Variants in PUDP observed in about 807,000 individuals in gnomAD.
PUDP encodes the protein pseudouridine-5'-phosphatase.
Under a neutral mutation model 9.4 loss-of-function variants are expected in PUDP, and 8 were observed. The observed-to-expected ratio is 0.85, with a 90% CI of 0.50 to 1.53. PUDP has a LOEUF of 1.53. Among genes scored for constraint, PUDP ranks in the 40% most tolerant of loss-of-function variants. PUDP has a pLI of 0.00. For synonymous variants in PUDP, 99 were observed against 80.7 expected (o/e 1.23, Z -1.22); for missense variants, 188 against 189.7 (o/e 0.99, Z 0.05).
rs10634327 is a variant in PUDP at position 7,071,777 on chromosome X, A to ATTT, written c.510+5440_510+5442dup. Among the ~76,000 whole-genome samples the ATTT allele has an allele frequency of 1.2e-3, 119 of 96,767 alleles. 1 individual carries two copies. Among genetic ancestry groups the ATTT allele is most frequent in the Admixed American group, 1.4e-3 (12 of 8,536 alleles). 84.0% of individuals were successfully genotyped at this position (96,767 alleles called of 115,157 possible). On this transcript the variant is annotated intron_variant, in intron 3 of 3. Transcript: ENST00000381077. ...AGTCACCACCCAGAATGTACTCTCT[A>ATTT]TTTTTTTTTTTTCCTTTGAGACAGA...
intron 3 of PUDP, among the ~76,000 whole-genome samples, chrX:6,766,747 T>G (rs1306556042): frequency 8.9e-6 from 1 of 111,959 alleles, no homozygotes; most frequent in East Asian, 2.8e-4. Flanking sequence ...ATACTCACTT[T>G]TCTCCTGCCC....
At chrX:7,104,069 C>T (rs180789413) in intron 2 of PUDP, among the ~76,000 whole-genome samples, 34 of 112,287 alleles carry the variant, frequency 3.0e-4, no homozygotes, top group African/African-American at 9.7e-4. Flanking sequence ...GACTAGAAAG[C>T]AGGATCTCAA....
intron 3 of PUDP, among the ~76,000 whole-genome samples, chrX:6,962,601 A>T (rs2146788666): frequency 8.9e-6 from 1 of 112,534 alleles, no homozygotes; most frequent in Admixed American, 9.5e-5. Flanking sequence ...TTTATGCCAT[A>T]AAATTCAGTT....
chrX:6,707,681 G>C (rs1011243534), intron 1 of PUDP, among the ~76,000 whole-genome samples: 3 of 111,296 alleles, frequency 2.7e-5, no homozygotes, highest in Non-Finnish European at 5.7e-5. Flanking sequence ...GTGAGTGATG[G>C]GGAGCGGCTG....
At chrX:6,818,412 A>G (rs1479452742) in intron 3 of PUDP, among the ~76,000 whole-genome samples, 1 of 112,548 alleles carries the variant, frequency 8.9e-6, no homozygotes, top group Non-Finnish European at 1.9e-5. Flanking sequence ...CCTGTCAGCC[A>G]TAGCTTCCCA....
At chrX:6,836,523 G>A (rs1277163395) in intron 3 of PUDP, among the ~76,000 whole-genome samples, 2 of 112,146 alleles carry the variant, frequency 1.8e-5, no homozygotes, top group Non-Finnish European at 3.8e-5. Context: ...ACAATGTTGT[G>A]TAAGATTTCT....
chrX:6,720,400 G>T (rs1197516927), intron 1 of PUDP, among the ~76,000 whole-genome samples: 1 of 103,864 alleles, frequency 9.6e-6, no homozygotes, highest in Non-Finnish European at 2.0e-5. Flanking sequence ...AATTAAGCCA[G>T]ACAGAGAAAG....
At chrX:6,957,541 A>G (rs1325843091) in intron 3 of PUDP, among the ~76,000 whole-genome samples, 8 of 111,877 alleles carry the variant, frequency 7.2e-5, no homozygotes, top group Non-Finnish European at 1.5e-4. Flanking sequence ...TTGTGAGCCA[A>G]TAAATTCCTC....
chrX:6,821,287 C>T (rs1449148084), intron 3 of PUDP, among the ~76,000 whole-genome samples: 1 of 111,645 alleles, frequency 9.0e-6, no homozygotes, highest in Non-Finnish European at 1.9e-5. Flanking sequence ...ACAGGAGAGA[C>T]ACCCACAGCC....
chrX:6,882,942 GGACA>G lies in PUDP; in HGVS notation c.*247+94187_*247+94190del, dbSNP rs1229756575. ...CCAAGGAGGTTGGATTTCATCCTGT[GGACA>G]GAGGGTGTTGGGTAGGATAGGGCTG... On this transcript the variant is annotated intron_variant and NMD_transcript_variant, in intron 3 of 3. Transcript: ENST00000655425. Among the ~76,000 whole-genome samples the G allele has an allele frequency of 2.7e-5, 3 of 111,612 alleles. No homozygotes were observed. The East Asian group carries it at 8.5e-4, about 32-fold the overall frequency.
chrX:7,046,188 G>A (rs1260051082), downstream of PUDP, among the ~76,000 whole-genome samples: 1 of 112,262 alleles, frequency 8.9e-6, no homozygotes, highest in African/African-American at 3.2e-5. Flanking sequence ...ACCGTAATGT[G>A]TCTGTATTTG....
chrX:6,914,641 G>A (rs1021940395), intron 3 of PUDP, among the ~76,000 whole-genome samples: 3 of 112,091 alleles, frequency 2.7e-5, no homozygotes, highest in South Asian at 3.7e-4. Context: ...CTGGAGCACC[G>A]CTCAGAAAAG....
intron 3 of PUDP, among the ~76,000 whole-genome samples, chrX:6,975,259 C>T (rs761958367): frequency 3.6e-5 from 4 of 109,903 alleles, no homozygotes; most frequent in African/African-American, 9.9e-5. Context: ...CCCTTGGTGG[C>T]GAGGAGTTGT....
At chrX:6,947,496 T>A (rs1374823030) in intron 3 of PUDP, among the ~76,000 whole-genome samples, 1 of 112,414 alleles carries the variant, frequency 8.9e-6, no homozygotes, top group Non-Finnish European at 1.9e-5. Flanking sequence ...CTTTAAAAAA[T>A]ATTAAGCTGT....
intron 1 of PUDP, among the ~76,000 whole-genome samples, chrX:6,986,442 G>A (rs1340317059): frequency 1.8e-5 from 2 of 111,497 alleles, no homozygotes; most frequent in African/African-American, 6.5e-5. Flanking sequence ...CCAGGGGCTC[G>A]GCGCAGGCTC....
chrX:6,965,742 A>G (rs755329110), intron 3 of PUDP, among the ~76,000 whole-genome samples: 1 of 112,267 alleles, frequency 8.9e-6, no homozygotes, highest in African/African-American at 3.2e-5. Flanking sequence ...GATTATGTCA[A>G]TCGGATATCT....
intron 3 of PUDP, among the ~76,000 whole-genome samples, chrX:6,759,690 G>A (rs1925207183): frequency 8.9e-6 from 1 of 111,790 alleles, no homozygotes; most frequent in Admixed American, 9.5e-5. Context: ...TAATTTTCTC[G>A]GTTGCTTTCA....
At position 6,794,748 on chromosome X, in the gene PUDP, A is replaced by T. The variant is rs5948763; in HGVS notation, c.*248-88282T>A. Among the ~76,000 whole-genome samples, 797 of 106,857 alleles carry T rather than the reference A, an allele frequency of 7.5e-3. 39 individuals carry two copies. In the East Asian group the frequency reaches 0.18, roughly 24 times the overall value. 92.8% of individuals were successfully genotyped at this position (106,857 alleles called of 115,157 possible). A position where few individuals can be genotyped will look rare whatever the true frequency, so the allele number is the denominator to read the frequency against. The stretch of plus-strand genomic sequence containing the variant: ...CTAATTTTTGTGTTTTTAGTAGAGA[A>T]GGAGTTTCGCCATGTTGGTCAGGCT... On this transcript the variant is annotated intron_variant and NMD_transcript_variant, in intron 3 of 3. Coordinates refer to the PUDP transcript ENST00000655425.
At chrX:6,844,552 T>C (rs1409429220) in intron 3 of PUDP, among the ~76,000 whole-genome samples, 1 of 112,399 alleles carries the variant, frequency 8.9e-6, no homozygotes, top group Admixed American at 9.4e-5. Context: ...CTCAAGGAGG[T>C]AGCATTTGAG....
Sources: gnomAD v4.1 joint callset for allele counts (sites outside exome capture counted in the v4.1 genomes callset) on GRCh38, gnomAD v4.1.1 for gene constraint, MANE v1.5 for transcripts, NCBI Gene and HGNC (gene_info 2026-07-23, HGNC 2026-07-21) for gene names.